Variants in SLC39A7 observed in about 807,000 individuals in gnomAD.
SLC39A7 encodes the protein zinc transporter SLC39A7.
Under a neutral mutation model 39.7 loss-of-function variants are expected in SLC39A7, and 25 were observed. The ratio of observed to expected loss-of-function variants is 0.63; its 90% confidence interval spans 0.46 to 0.88. SLC39A7 has a LOEUF of 0.88. Among genes scored for constraint, SLC39A7 ranks in the 40% least tolerant of loss-of-function variants. SLC39A7 has a pLI of 0.00. For synonymous variants in SLC39A7, 181 were observed against 234.1 expected (o/e 0.77, Z 2.07); for missense variants, 501 against 592.1 (o/e 0.85, Z 1.60).
In SLC39A7 at chr6:33,200,908, C is replaced by G. The variant is rs1477590619; in HGVS notation, c.-338C>G. On this transcript the variant is annotated 5_prime_UTR_variant, in exon 1 of 7. Transcript: ENST00000374677. This position sits in a 1 kb window ranked among gnomAD's most constrained non-coding sequence, Gnocchi z 6.3. ...TAAAGGCGGGACTGCCACGTCCAAG[C>G]AAACCGGGAAAGGAGAGGATCCCGG... 1.6e-6 allele frequency: 2 copies of G among 1,228,702 alleles called. No homozygotes were observed. The highest frequency in any genetic ancestry group is 1.2e-6 in the Non-Finnish European group (1 of 863,572). The allele number at this position is 1,228,702 out of a possible 1,614,324, so 76.1% of individuals were successfully genotyped here.
intron 4 of SLC39A7, 56 bp from the exon 5 acceptor site, chr6:33,202,504 A>T: frequency 6.3e-7 from 1 of 1,596,118 alleles, no homozygotes; most frequent in South Asian, 1.1e-5. Flanking sequence ...CTCAGGAGGG[A>T]GAGGACATGT....
rs376596225 is a variant in SLC39A7, at chr6:33,204,321, G to C, written c.*508G>C. 3 of 537,884 alleles carry C rather than the reference G, an allele frequency of 5.6e-6. No homozygotes were observed. The highest frequency in any genetic ancestry group is 3.3e-5 in the East Asian group (1 of 30,312). 33.3% of individuals were successfully genotyped at this position (537,884 alleles called of 1,614,324 possible). The stretch of plus-strand genomic sequence containing the variant: ...GATTGGGGGGATGGGGTGGGAGAGG[G>C]TTAGTTGGTATTCTCATGGCCTGAT... On this transcript the variant is annotated 3_prime_UTR_variant, in exon 7 of 7. Transcript: ENST00000374677.
At chr6:33,202,163 TG>T in intron 3 of SLC39A7, 38 bp downstream of exon 3, 2 of 1,609,012 alleles carry the variant, frequency 1.2e-6, no homozygotes, top group East Asian at 2.2e-5. Flanking sequence ...GTTGGGGTGC[TG>T]GGGAAGGTCC....
intron 5 of SLC39A7, 30 bp downstream of exon 5, chr6:33,202,730 G>A (rs1774706324): frequency 1.3e-6 from 2 of 1,574,912 alleles, no homozygotes; most frequent in South Asian, 1.2e-5. Flanking sequence ...ATAAATTTGG[G>A]CAAGGGACAT....
chr6:33,204,304 G>A lies in SLC39A7; in HGVS notation c.*491G>A. On this transcript the variant is annotated 3_prime_UTR_variant, in exon 7 of 7. Transcript: ENST00000374677. The stretch of plus-strand genomic sequence containing the variant: ...TGTCCTGATTTGGGAGTGATTGGGG[G>A]GATGGGGTGGGAGAGGGTTAGTTGG... The A allele has an allele frequency of 3.9e-6, 2 of 519,416 alleles. No individual in the cohort carries two copies. Among genetic ancestry groups the A allele is most frequent in the Non-Finnish European group, 6.9e-6 (2 of 288,010 alleles). 32.2% of individuals were successfully genotyped at this position (519,416 alleles called of 1,614,324 possible).
At chr6:33,202,154 T>C (rs774327731) in intron 3 of SLC39A7, 29 bp downstream of exon 3, 122 of 1,610,562 alleles carry the variant, frequency 7.6e-5, no homozygotes, top group Non-Finnish European at 1.0e-4. Flanking sequence ...GGGATGGGAG[T>C]TGGGGTGCTG....
Position 33,202,057 on chromosome 6 carries a change from C to T in SLC39A7, c.581-15C>T, listed in dbSNP as rs1454480778. 1.2e-6 allele frequency: 2 copies of T among 1,612,028 alleles called. No homozygotes were observed. The highest frequency in any genetic ancestry group is 2.2e-5 in the East Asian group (1 of 44,866). ...GTCAGATATTCCCTCATCTGGTTTT[C>T]CCCCCTTCTTCCAGAACCTCATTCT... is the stretch of plus-strand genomic sequence containing the variant. On this transcript the variant is annotated splice_polypyrimidine_tract_variant and intron_variant, in intron 2 of 6. Coordinates refer to ENST00000374677, the MANE Select transcript of SLC39A7 (RefSeq NM_006979.3).
In SLC39A7 at chr6:33,203,915, G is replaced by A. The variant is rs1219261151; in HGVS notation, c.*102G>A. ...GGCCAGGGACATCTGCCAAAGGAAG[G>A]AACTGTAGCCTGGGAGAATGGTTAC... On this transcript the variant is annotated 3_prime_UTR_variant, in exon 7 of 7. Coordinates refer to ENST00000374677, the MANE Select transcript of SLC39A7 (RefSeq NM_006979.3). The A allele has an allele frequency of 1.7e-6, 2 of 1,185,956 alleles. No individual in the cohort carries two copies. Among genetic ancestry groups the A allele is most frequent in the Non-Finnish European group, 2.4e-6 (2 of 824,524 alleles). 73.5% of individuals were successfully genotyped at this position (1,185,956 alleles called of 1,614,324 possible).
In SLC39A7 at chr6:33,202,404, G is replaced by A; in HGVS notation, c.776G>A (p.Gly259Glu). The A allele has an allele frequency of 1.2e-6, 2 of 1,612,848 alleles. No individual in the cohort carries two copies. The highest frequency in any genetic ancestry group is 1.7e-5 in the Admixed American group (1 of 60,020). ...GHGHAHSHTR[G>E]SHGHGRQERS... is the part of the protein sequence containing the mutation. The stretch of plus-strand genomic sequence containing the variant: ...GGACACGCTCACAGTCATACACGTG[G>A]AAGTCATGGACATGGAAGACAAGGT... The change falls in exon 4 of 7, where the codon GGA (glycine) becomes GAA (glutamate). Residue 259 changes from glycine (G) to glutamate (E), a missense_variant. Transcript: ENST00000374677.
At position 33,202,359 on chromosome 6, in the gene SLC39A7, A is replaced by G. The variant is rs767878584; in HGVS notation, c.731A>G (p.His244Arg). ...TTTGTGAGACATGTGAAAGGAGGAC[A>G]TGGTCACAGTCATGGACATGGACAC... ...EKFVRHVKGGHGHSHGHGHAH... is the reference protein window; with the variant it reads ...EKFVRHVKGGRGHSHGHGHAH... Residue 244 changes from histidine (H) to arginine (R), a missense_variant, in exon 4 of 7, where the codon CAT becomes CGT. Coordinates refer to ENST00000374677, the MANE Select transcript of SLC39A7 (RefSeq NM_006979.3). 6.2e-6 allele frequency: 10 copies of G among 1,612,780 alleles called. No individual in the cohort carries two copies. The South Asian group carries it at 7.7e-5, about 12-fold the overall frequency.
chr6:33,201,848 TGCTC>T lies in SLC39A7; in HGVS notation c.516_519del (p.Leu173ValfsTer64), dbSNP rs1228261871. 6.2e-7 allele frequency: 1 copy of T among 1,613,142 alleles called. No homozygotes were observed. The highest frequency in any genetic ancestry group is 1.1e-5 in the South Asian group (1 of 91,084). On this transcript the variant is annotated frameshift_variant, in exon 2 of 7. Transcript: ENST00000374677. LOFTEE classifies it high-confidence loss of function. The surrounding 1 kb of genome is among the most constrained non-coding windows in gnomAD (Gnocchi z 5.9). ...CGGCATCGCTCTCTACTTCAGATCT[TGCTC>T]AGTTTTGCTTCCGGTGGGCTCCTGG... is the stretch of plus-strand genomic sequence containing the variant.
chr6:33,202,356 G>A lies in SLC39A7; in HGVS notation c.728G>A (p.Gly243Glu), dbSNP rs984944084. The stretch of plus-strand genomic sequence containing the variant: ...AAATTTGTGAGACATGTGAAAGGAG[G>A]ACATGGTCACAGTCATGGACATGGA... ...VEKFVRHVKG[G>E]HGHSHGHGHA... is the part of the protein sequence containing the mutation. The change falls in exon 4 of 7, where the codon GGA becomes GAA. Residue 243 changes from glycine (G) to glutamate (E), a missense_variant. Transcript: ENST00000374677. 24 of 1,612,756 alleles carry A rather than the reference G, an allele frequency of 1.5e-5. No homozygotes were observed. The South Asian group carries it at 2.2e-4, about 15-fold the overall frequency.
In SLC39A7 at chr6:33,204,083, G is replaced by A. The variant is rs1270061868; in HGVS notation, c.*270G>A. 3.5e-6 allele frequency: 2 copies of A among 577,798 alleles called. No homozygotes were observed. Among genetic ancestry groups the A allele is most frequent in the Non-Finnish European group, 6.2e-6 (2 of 323,884 alleles). The allele number at this position is 577,798 out of a possible 1,614,324, so 35.8% of individuals were successfully genotyped here. A position where few individuals can be genotyped will look rare whatever the true frequency, so the allele number is the denominator to read the frequency against. On this transcript the variant is annotated 3_prime_UTR_variant, in exon 7 of 7. Transcript: ENST00000374677. ...AATGGGGCCATGAAGAAGGCTGGAA[G>A]GGACAGGGGGTGATGGCAGCCTACC...
In SLC39A7 at chr6:33,201,230, C is replaced by T. The variant is rs1043158788; in HGVS notation, c.-16C>T. On this transcript the variant is annotated 5_prime_UTR_variant, in exon 1 of 7. Coordinates refer to ENST00000374677, the MANE Select transcript of SLC39A7 (RefSeq NM_006979.3). This position sits in a 1 kb window ranked among gnomAD's most constrained non-coding sequence, Gnocchi z 5.9. ...AGTCAAGTGGAGTCACTGCCTCTGT[C>T]CCTCTGGTCAGCGTGATGGCCAGAG... is the stretch of plus-strand genomic sequence containing the variant. 4.4e-6 allele frequency: 7 copies of T among 1,598,438 alleles called. No homozygotes were observed. The highest frequency in any genetic ancestry group is 1.8e-5 in the Admixed American group (1 of 56,630).
chr6:33,203,468 C>T, intron 6 of SLC39A7, 73 bp from the exon 7 acceptor site: 3 of 1,524,824 alleles, frequency 2.0e-6, no homozygotes, highest in South Asian at 1.1e-5. Context: ...TACCTATACC[C>T]CACCAGCCAC....
At position 33,204,247 on chromosome 6, in the gene SLC39A7, G is replaced by C; in HGVS notation, c.*434G>C. The C allele has an allele frequency of 2.1e-6, 1 of 470,554 alleles. No individual in the cohort carries two copies. 29.1% of individuals were successfully genotyped at this position (470,554 alleles called of 1,614,324 possible). Reference sequence around the variant, plus strand: ...TCCTGGACAGAGAGGGTAACAGGAGGAGTCGGGGATAAACATCAAACATCA... The same window carrying C: ...TCCTGGACAGAGAGGGTAACAGGAGCAGTCGGGGATAAACATCAAACATCA... On this transcript the variant is annotated 3_prime_UTR_variant, in exon 7 of 7. Transcript: ENST00000374677.
chr6:33,203,077 T>C lies in SLC39A7; in HGVS notation c.1108T>C (p.Leu370=). The change falls in exon 6 of 7, where the codon TTG becomes CTG. Residue 370 remains leucine (L), a synonymous_variant. Coordinates refer to ENST00000374677, the MANE Select transcript of SLC39A7 (RefSeq NM_006979.3). ...VPHEVGDFAI[L]VQSGCSKKQA... is the part of the protein sequence containing the mutation. ...CCACGAGGTCGGAGACTTTGCCATC[T>C]TGGTCCAGTCTGGCTGCAGCAAAAA... is the stretch of plus-strand genomic sequence containing the variant. 6.2e-7 allele frequency: 1 copy of C among 1,604,336 alleles called. No individual in the cohort carries two copies. The highest frequency in any genetic ancestry group is 8.5e-7 in the Non-Finnish European group (1 of 1,175,818).
chr6:33,204,084 G>A lies in SLC39A7; in HGVS notation c.*271G>A, dbSNP rs1311707644. 1.7e-6 allele frequency: 1 copy of A among 577,654 alleles called. No homozygotes were observed. The highest frequency in any genetic ancestry group is 3.1e-6 in the Non-Finnish European group (1 of 323,868). 35.8% of individuals were successfully genotyped at this position (577,654 alleles called of 1,614,324 possible). A position where few individuals can be genotyped will look rare whatever the true frequency, so the allele number is the denominator to read the frequency against. On this transcript the variant is annotated 3_prime_UTR_variant, in exon 7 of 7. Coordinates refer to ENST00000374677, the MANE Select transcript of SLC39A7 (RefSeq NM_006979.3). Reference sequence around the variant, plus strand: ...ATGGGGCCATGAAGAAGGCTGGAAGGGACAGGGGGTGATGGCAGCCTACCT... The same window carrying A: ...ATGGGGCCATGAAGAAGGCTGGAAGAGACAGGGGGTGATGGCAGCCTACCT...
At position 33,201,579 on chromosome 6, in the gene SLC39A7, C is replaced by T; in HGVS notation, c.334C>T (p.His112Tyr). Reference protein sequence around the residue: ...YHRGHGHDHEHSHGGYGESGA... With the variant: ...YHRGHGHDHEYSHGGYGESGA... ...CAGAGGACATGGACATGACCATGAGCATAGCCATGGAGGCTATGGGGAGTC... is the reference window on the plus strand; with the variant it reads ...CAGAGGACATGGACATGACCATGAGTATAGCCATGGAGGCTATGGGGAGTC... Residue 112 changes from histidine to tyrosine, a missense_variant, in exon 1 of 7, where the codon CAT becomes TAT. His to Tyr is a moderately conservative substitution (Grantham distance 83). Coordinates refer to ENST00000374677, the MANE Select transcript of SLC39A7 (RefSeq NM_006979.3). The surrounding 1 kb of genome is among the most constrained non-coding windows in gnomAD (Gnocchi z 5.9). 6.2e-7 allele frequency: 1 copy of T among 1,613,984 alleles called. No individual in the cohort carries two copies. The highest frequency in any genetic ancestry group is 8.5e-7 in the Non-Finnish European group (1 of 1,179,892).
Sources: allele counts gnomAD v4.1 joint callset, GRCh38; gene constraint gnomAD v4.1.1; non-coding constraint Gnocchi (gnomAD v3.1); transcripts MANE v1.5; gene names NCBI Gene and HGNC (gene_info 2026-07-23, HGNC 2026-07-21).